Variants in MTMR9 observed in about 807,000 individuals in gnomAD.
MTMR9 encodes the protein myotubularin related protein 9.
In MTMR9, 39 loss-of-function variants were observed where a neutral mutation model predicts 69.5. The ratio of observed to expected loss-of-function variants is 0.56; its 90% CI spans 0.43 to 0.73. The LOEUF (loss-of-function observed/expected upper bound fraction) is 0.73. Among genes scored for constraint, MTMR9 ranks in the 30% least tolerant of loss-of-function variants. The pLI, the probability that MTMR9 is intolerant of heterozygous loss-of-function variation, is 0.00. For synonymous variants in MTMR9, 354 were observed against 240.8 expected (o/e 1.47, Z -4.35); for missense variants, 900 against 671.2 (o/e 1.34, Z -3.77).
At chr8:11,288,211 A>G (rs1799251157) in intron 1 of MTMR9, among the ~76,000 whole-genome samples, 1 of 137,320 alleles carries the variant, frequency 7.3e-6, no homozygotes, top group African/African-American at 2.7e-5. Flanking sequence ...TATTATATAT[A>G]ATATATTAAT....
At chr8:11,339,252 C>T in the MTMR9 span, among the ~76,000 whole-genome samples, 2 of 152,212 alleles carry the variant, frequency 1.3e-5, no homozygotes, top group African/African-American at 4.8e-5. Flanking sequence ...AGATGTTGCA[C>T]CTTTACTAGA....
Position 11,326,978 on chromosome 8 carries a change from A to G in MTMR9, c.*4190A>G, listed in dbSNP as rs1800964022. ...GGGCAAGACTCCATCTCAAAAAAAAAAAAAAAAAAAGACTCATTTATCCAT... is the reference window on the plus strand; with the variant it reads ...GGGCAAGACTCCATCTCAAAAAAAAGAAAAAAAAAAGACTCATTTATCCAT... On this transcript the variant is annotated 3_prime_UTR_variant, in exon 10 of 10. Transcript: ENST00000221086. The G allele has an allele frequency of 6.6e-6, 1 of 152,070 alleles. No individual in the cohort carries two copies. Among genetic ancestry groups the G allele is most frequent in the African/African-American group, 2.4e-5 (1 of 41,416 alleles). 9.4% of individuals were successfully genotyped at this position (152,070 alleles called of 1,614,324 possible). A position where few individuals can be genotyped will look rare whatever the true frequency, so the allele number is the denominator to read the frequency against.
At chr8:11,322,527 G>T in intron 9 of MTMR9, 98 bp from the exon 10 acceptor site, 3 of 992,952 alleles carry the variant, frequency 3.0e-6, no homozygotes, top group Non-Finnish European at 3.0e-6. Context: ...AAAGAAAAAA[G>T]AATGTATAAT....
intron 2 of MTMR9, among the ~76,000 whole-genome samples, chr8:11,296,915 C>T (rs1799580893): frequency 6.6e-6 from 1 of 151,982 alleles, no homozygotes; most frequent in South Asian, 2.1e-4. Flanking sequence ...AATATTGGTT[C>T]AGATTACAAA....
At chr8:11,306,916 C>G (rs935659693) in intron 5 of MTMR9, among the ~76,000 whole-genome samples, 1 of 152,186 alleles carries the variant, frequency 6.6e-6, no homozygotes, top group Non-Finnish European at 1.5e-5. Context: ...ATTCTACTCT[C>G]TGTTTCTATG....
intron 1 of MTMR9, among the ~76,000 whole-genome samples, chr8:11,288,262 ATATAT>A (rs1167317514): frequency 1.4e-5 from 2 of 138,382 alleles, no homozygotes; most frequent in African/African-American, 5.4e-5. Flanking sequence ...TATAATAATT[ATATAT>A]TATAATATAG....
At chr8:11,318,380 A>G (rs984923216) in intron 8 of MTMR9, 1 of 152,242 alleles carries the variant, frequency 6.6e-6, no homozygotes, top group Non-Finnish European at 1.5e-5. Flanking sequence ...GGGACATGCT[A>G]TCCCAGCAGT....
intron 2 of MTMR9, among the ~76,000 whole-genome samples, chr8:11,296,368 T>A (rs995610945): frequency 6.6e-6 from 1 of 152,234 alleles, no homozygotes; most frequent in African/African-American, 2.4e-5. Flanking sequence ...CATTACTTAC[T>A]ATAATTTTAT....
At chr8:11,289,334 A>G (rs1450943630) in intron 1 of MTMR9, among the ~76,000 whole-genome samples, 5 of 152,260 alleles carry the variant, frequency 3.3e-5, no homozygotes, top group Non-Finnish European at 5.9e-5. Flanking sequence ...TTACTAGACA[A>G]GTGCCTTTGG....
At chr8:11,317,758 C>T (rs1049707206) in intron 8 of MTMR9, 2 of 152,242 alleles carry the variant, frequency 1.3e-5, no homozygotes, top group African/African-American at 4.8e-5. Context: ...TGTATAGGTT[C>T]ATTTACAAGA....
intron 5 of MTMR9, among the ~76,000 whole-genome samples, chr8:11,308,143 A>C (rs1169800403): frequency 6.6e-6 from 1 of 152,052 alleles, no homozygotes; most frequent in Non-Finnish European, 1.5e-5. Flanking sequence ...CTTTTTCCTT[A>C]TGTTTTCCTC....
At chr8:11,298,853 T>C (rs531880032) in intron 2 of MTMR9, 2 of 985,310 alleles carry the variant, frequency 2.0e-6, no homozygotes, top group East Asian at 1.1e-4. Context: ...ATGTCTGTTT[T>C]CCAGGATTCA....
At chr8:11,318,693 C>T (rs1052074390) in intron 8 of MTMR9, 2 of 152,042 alleles carry the variant, frequency 1.3e-5, no homozygotes, top group Middle Eastern at 3.2e-3. Flanking sequence ...AAGAGTGTTC[C>T]AGAGTTTTAG....
chr8:11,322,364 G>C (rs1800731553), intron 9 of MTMR9, among the ~76,000 whole-genome samples: 1 of 152,130 alleles, frequency 6.6e-6, no homozygotes, highest in Non-Finnish European at 1.5e-5. Context: ...GGATCTATTT[G>C]ATAATTTTGT....
Position 11,298,900 on chromosome 8 carries a change from TAG to T in MTMR9, c.292-1120_292-1119del, listed in dbSNP as rs1166877081. On this transcript the variant is annotated intron_variant, in intron 2 of 9. Coordinates refer to ENST00000221086, the MANE Select transcript of MTMR9 (RefSeq NM_015458.4). Reference sequence around the variant, plus strand: ...TAAATATAGGCCCATTTGGGGCTGATAGAGTTATTGCCCCCATTTGAGAATGG... The same window carrying T: ...TAAATATAGGCCCATTTGGGGCTGATAGTTATTGCCCCCATTTGAGAATGG... 2.2e-5 allele frequency: 22 copies of T among 983,472 alleles called. No homozygotes were observed. In the South Asian group the frequency reaches 7.1e-4, roughly 32 times the overall value. The allele number at this position is 983,472 out of a possible 1,614,324, so 60.9% of individuals were successfully genotyped here. A position where few individuals can be genotyped will look rare whatever the true frequency, so the allele number is the denominator to read the frequency against.
intron 1 of MTMR9, among the ~76,000 whole-genome samples, chr8:11,290,752 G>C (rs530076543): frequency 2.0e-5 from 3 of 151,900 alleles, no homozygotes; most frequent in African/African-American, 7.2e-5. Flanking sequence ...TGAGCTCTCT[G>C]TCATAATCCA....
At chr8:11,301,392 A>G (rs770138374) in intron 3 of MTMR9, among the ~76,000 whole-genome samples, 1 of 152,222 alleles carries the variant, frequency 6.6e-6, no homozygotes, top group East Asian at 1.9e-4. Flanking sequence ...TACCAATACA[A>G]TTCAATTGGG....
At chr8:11,329,883 A>G (rs1801127633), downstream of MTMR9, among the ~76,000 whole-genome samples, 1 of 148,142 alleles carries the variant, frequency 6.8e-6, no homozygotes, top group Admixed American at 6.7e-5. Context: ...GTCTCTGCCC[A>G]GCTGCCCATC....
chr8:11,309,750 T>C, intron 6 of MTMR9, 62 bp downstream of exon 6: 1 of 1,559,746 alleles, frequency 6.4e-7, no homozygotes, highest in East Asian at 2.2e-5. Flanking sequence ...TTTGTGTTTA[T>C]CCAGACATAT....
Sources: allele counts gnomAD v4.1 joint callset (sites outside exome capture counted in the v4.1 genomes callset), GRCh38; gene constraint gnomAD v4.1.1; transcripts MANE v1.5; gene names NCBI Gene and HGNC (gene_info 2026-07-23, HGNC 2026-07-21).